The following KMT5B variants were observed in gnomAD, a reference collection of about 807,000 sequenced individuals.
The protein encoded by KMT5B is histone-lysine N-methyltransferase KMT5B.
Under a neutral mutation model 83.2 loss-of-function variants are expected in KMT5B, and 10 were observed. That is an observed-to-expected ratio of 0.12 (90% CI 0.07 to 0.20). The LOEUF (loss-of-function observed/expected upper bound fraction) is 0.20. Ranked by LOEUF, KMT5B falls within the 10% of genes least tolerant of loss-of-function variation. The pLI, the probability that KMT5B is intolerant of heterozygous loss-of-function variation, is 1.00. For synonymous variants in KMT5B, 349 were observed against 388.8 expected (o/e 0.90, Z 1.20); for missense variants, 753 against 1,067.2 (o/e 0.71, Z 4.10).
intron 1 of KMT5B, among the ~76,000 whole-genome samples, chr11:68,196,832 A>C (rs1405686750): frequency 2.6e-5 from 4 of 152,210 alleles, no homozygotes; most frequent in Non-Finnish European, 2.9e-5. Flanking sequence ...TGTTTAACAC[A>C]CAACTTATGG....
intron 10 of KMT5B, 89 bp downstream of exon 10, chr11:68,166,891 TAA>T (rs1290233467): frequency 9.1e-6 from 14 of 1,538,814 alleles, no homozygotes; most frequent in Admixed American, 3.9e-5. Flanking sequence ...TCTGAGTATT[TAA>T]AAGTTTAAAA....
chr11:68,206,628 A>G (rs945831353), intron 1 of KMT5B, among the ~76,000 whole-genome samples: 1 of 152,194 alleles, frequency 6.6e-6, no homozygotes, highest in Non-Finnish European at 1.5e-5. Flanking sequence ...CAATGAAAAG[A>G]AGGCCTCCCT....
chr11:68,204,470 T>TGA (rs1020093008), intron 1 of KMT5B, among the ~76,000 whole-genome samples: 1 of 152,150 alleles, frequency 6.6e-6, no homozygotes, highest in African/African-American at 2.4e-5. Context: ...TGGCCACAGG[T>TGA]GAGGGAATGC....
intron 10 of KMT5B, among the ~76,000 whole-genome samples, chr11:68,164,076 G>T (rs1855089217): frequency 6.6e-6 from 1 of 152,148 alleles, no homozygotes. Context: ...GGCATAAGAG[G>T]CCTGAAAAAC....
intron 1 of KMT5B, among the ~76,000 whole-genome samples, chr11:68,193,428 G>C (rs1858325084): frequency 6.6e-6 from 1 of 151,768 alleles, no homozygotes; most frequent in African/African-American, 2.4e-5. Flanking sequence ...TTGATCTCAG[G>C]TCTCTTTCAT....
chr11:68,195,613 C>T (rs1858607430), intron 1 of KMT5B, among the ~76,000 whole-genome samples: 1 of 152,154 alleles, frequency 6.6e-6, no homozygotes, highest in Non-Finnish European at 1.5e-5. Context: ...ACACAGAATA[C>T]TACCATGGGC....
At chr11:68,175,915 T>A (rs1470201676) in intron 4 of KMT5B, among the ~76,000 whole-genome samples, 1 of 90,850 alleles carries the variant, frequency 1.1e-5, no homozygotes, top group Non-Finnish European at 2.2e-5. Flanking sequence ...GGTAGAGTTG[T>A]TTTTTTTTTT....
At chr11:68,202,486 A>G (rs1433917123) in intron 1 of KMT5B, among the ~76,000 whole-genome samples, 2 of 151,140 alleles carry the variant, frequency 1.3e-5, no homozygotes, top group African/African-American at 4.9e-5. Context: ...TATTACAACC[A>G]TACTCACTAC....
At chr11:68,175,232 C>G in intron 4 of KMT5B, 49 bp from the exon 5 acceptor site, 2 of 1,468,920 alleles carry the variant, frequency 1.4e-6, no homozygotes, top group Non-Finnish European at 9.5e-7. Flanking sequence ...AATCCTTGCG[C>G]CACTGATCCA....
intron 1 of KMT5B, among the ~76,000 whole-genome samples, chr11:68,204,601 TA>T (rs1452293826): frequency 6.9e-6 from 1 of 144,324 alleles, no homozygotes; most frequent in Non-Finnish European, 1.5e-5. Flanking sequence ...CGTGAGAGAA[TA>T]AATTTCCGGT....
chr11:68,181,911 C>T (rs537627055), intron 3 of KMT5B, among the ~76,000 whole-genome samples: 13 of 152,322 alleles, frequency 8.5e-5, no homozygotes, highest in African/African-American at 3.1e-4. Context: ...ACTCCCACAC[C>T]GGCCTGAAGT....
At position 68,187,186 on chromosome 11, in the gene KMT5B, T is replaced by A. The variant is rs532107041; in HGVS notation, c.161-1258A>T. On this transcript the variant is annotated intron_variant, in intron 2 of 10. Transcript: ENST00000304363. ...TAATTTTTGTATTTTTTTGTAAAAG[T>A]GGGGTCTCGCCATATTGTCCAGGCT... Among the ~76,000 whole-genome samples the A allele has an allele frequency of 2.0e-5, 3 of 150,170 alleles. No homozygotes were observed. The East Asian group carries it at 5.8e-4, about 29-fold the overall frequency.
chr11:68,202,028 C>A (rs189905670), intron 1 of KMT5B, among the ~76,000 whole-genome samples: 1 of 152,026 alleles, frequency 6.6e-6, no homozygotes, highest in Non-Finnish European at 1.5e-5. Flanking sequence ...GATTGCACCA[C>A]TGCACTCTAG....
chr11:68,185,643 A>T, intron 3 of KMT5B, 138 bp downstream of exon 3: 1 of 747,208 alleles, frequency 1.3e-6, no homozygotes, highest in Non-Finnish European at 2.1e-6. Context: ...CTCTTGGCTC[A>T]CAGACAGAAA....
At chr11:68,195,614 T>C (rs1181572748) in intron 1 of KMT5B, among the ~76,000 whole-genome samples, 1 of 152,210 alleles carries the variant, frequency 6.6e-6, no homozygotes, top group African/African-American at 2.4e-5. Flanking sequence ...CACAGAATAC[T>C]ACCATGGGCT....
At chr11:68,166,274 G>T in intron 10 of KMT5B, 1 of 1,123,024 alleles carries the variant, frequency 8.9e-7, no homozygotes, top group Non-Finnish European at 1.1e-6. Flanking sequence ...CCCATTTAGG[G>T]TTTCTTCTCT....
chr11:68,207,758 T>C (rs1591082671), intron 1 of KMT5B, among the ~76,000 whole-genome samples: 3 of 128,324 alleles, frequency 2.3e-5, no homozygotes, highest in African/African-American at 6.2e-5. Flanking sequence ...GCCACTGCAC[T>C]CCAGCTTGGG....
intron 1 of KMT5B, among the ~76,000 whole-genome samples, chr11:68,205,057 G>A (rs1859917826): frequency 6.6e-6 from 1 of 151,732 alleles, no homozygotes; most frequent in African/African-American, 2.4e-5. Flanking sequence ...ACATGTCACA[G>A]GAAAAAAGAT....
chr11:68,183,679 T>C (rs984750765), intron 3 of KMT5B, among the ~76,000 whole-genome samples: 1 of 133,600 alleles, frequency 7.5e-6, no homozygotes, highest in African/African-American at 2.9e-5. Flanking sequence ...TTTTTTTTTT[T>C]GAGGCAGTCT....
Sources: allele counts gnomAD v4.1 joint callset (sites outside exome capture counted in the v4.1 genomes callset), GRCh38; gene constraint gnomAD v4.1.1; transcripts MANE v1.5; gene names NCBI Gene and HGNC (gene_info 2026-07-23, HGNC 2026-07-21).